The following SNTG1 variants were observed in gnomAD, a reference collection of about 807,000 sequenced individuals.
SNTG1 encodes gamma-1-syntrophin.
In SNTG1, 39 loss-of-function variants were observed where a neutral mutation model predicts 74.7. That is an observed-to-expected ratio of 0.52 (90% confidence interval 0.40 to 0.68). The LOEUF is 0.68. SNTG1 is among the 30% of genes least tolerant of loss of function. The pLI is 0.00. For missense variants in SNTG1, 685 were observed against 609.5 expected (o/e 1.12, Z -1.30); for synonymous variants, 254 against 217.1 (o/e 1.17, Z -1.49).
intron 1 of SNTG1, among the ~76,000 whole-genome samples, chr8:49,965,633 T>C (rs1811069409): frequency 6.6e-6 from 1 of 152,216 alleles, no homozygotes; most frequent in South Asian, 2.1e-4. Context: ...GTTGTTGTCA[T>C]GCGCCTTGAT....
chr8:50,579,777 G>A (rs970128038), intron 12 of SNTG1, among the ~76,000 whole-genome samples: 101 of 152,318 alleles, frequency 6.6e-4, no homozygotes, highest in Non-Finnish European at 1.2e-3. Flanking sequence ...TGAGGTTTGG[G>A]AACTTCTGCC....
Position 50,201,549 on chromosome 8 carries a change from G to A in SNTG1, c.-28+28914G>A, listed in dbSNP as rs190690089. On this transcript the variant is annotated intron_variant, in intron 2 of 18. Coordinates refer to ENST00000642720, the MANE Select transcript of SNTG1 (RefSeq NM_018967.5). ...ATGGAGCACTTTCTTCCTTTCTAGC[G>A]CTGCGTGACACTCCATGATCATCTT... Among the ~76,000 whole-genome samples the A allele has an allele frequency of 1.3e-3, 195 of 151,984 alleles. 2 individuals carry two copies. Among genetic ancestry groups the A allele is most frequent in the African/African-American group, 4.5e-3 (186 of 41,478 alleles).
chr8:50,146,496 C>T (rs555084297), intron 1 of SNTG1, among the ~76,000 whole-genome samples: 66 of 151,938 alleles, frequency 4.3e-4, no homozygotes, highest in Non-Finnish European at 7.6e-4. Context: ...CCAGCCTGGG[C>T]AACAAAAGTG....
At chr8:50,258,187 G>A (rs2086976791) in intron 2 of SNTG1, among the ~76,000 whole-genome samples, 1 of 152,186 alleles carries the variant, frequency 6.6e-6, no homozygotes, top group African/African-American at 2.4e-5. Flanking sequence ...AAAATGCTGA[G>A]TTTTCACTGC....
chr8:50,407,105 A>G (rs1447020241), intron 4 of SNTG1, among the ~76,000 whole-genome samples: 1 of 152,190 alleles, frequency 6.6e-6, no homozygotes, highest in Non-Finnish European at 1.5e-5. Flanking sequence ...TATTGCCACA[A>G]TACATAGTCC....
intron 13 of SNTG1, among the ~76,000 whole-genome samples, chr8:50,628,185 GC>G (rs1184384381): frequency 3.3e-5 from 5 of 151,862 alleles, no homozygotes; most frequent in African/African-American, 1.2e-4. Context: ...GTTACATTTT[GC>G]TCTTTGGATT....
Position 50,415,173 on chromosome 8 carries a change from G to A in SNTG1, c.162+12829G>A, listed in dbSNP as rs1280783104. Among the ~76,000 whole-genome samples, 3 of 152,138 alleles carry A rather than the reference G, an allele frequency of 2.0e-5. No homozygotes were observed. In the East Asian group the frequency reaches 5.8e-4, roughly 29 times the overall value. On this transcript the variant is annotated intron_variant, in intron 4 of 18. Transcript: ENST00000642720. ...TGAACAAATGTTGTTTAAATGCAAA[G>A]GAGTTTCATTATTATTGCTTTAAAC...
intron 1 of SNTG1, among the ~76,000 whole-genome samples, chr8:49,929,416 T>C (rs73569317): frequency 0.032 from 4,923 of 152,312 alleles, 239 homozygotes; most frequent in African/African-American, 0.1. Context: ...GTGCAGGCCA[T>C]CCCTGATTTA....
At chr8:50,374,391 A>G (rs1189038510) in intron 2 of SNTG1, among the ~76,000 whole-genome samples, 1 of 152,234 alleles carries the variant, frequency 6.6e-6, no homozygotes, top group Non-Finnish European at 1.5e-5. Flanking sequence ...TTTCGAATTT[A>G]GTCAATATCA....
intron 8 of SNTG1, among the ~76,000 whole-genome samples, chr8:50,484,102 C>CTCTTTCTTTCTCTCTT: frequency 9.0e-6 from 1 of 110,870 alleles, no homozygotes; most frequent in South Asian, 3.5e-4. Context: ...CTTTCTTTCT[C>CTCTTTCTTTCTCTCTT]TCTTTCTTTC....
At chr8:50,566,061 G>A (rs1234232966) in intron 12 of SNTG1, among the ~76,000 whole-genome samples, 1 of 151,722 alleles carries the variant, frequency 6.6e-6, no homozygotes, top group African/African-American at 2.4e-5. Flanking sequence ...TTTAAGGATA[G>A]GTCTTTAATT....
chr8:50,491,880 TCC>T (rs1373033228), intron 8 of SNTG1, among the ~76,000 whole-genome samples: 4 of 47,958 alleles, frequency 8.3e-5, no homozygotes, highest in Non-Finnish European at 1.5e-4. Flanking sequence ...CTCCCCTAGC[TCC>T]CCCGCCCCCC....
chr8:49,985,395 G>A (rs896004843), intron 1 of SNTG1, among the ~76,000 whole-genome samples: 1 of 151,900 alleles, frequency 6.6e-6, no homozygotes, highest in African/African-American at 2.4e-5. Context: ...CTTCCTAAGT[G>A]CTGGGATTAC....
chr8:50,148,614 T>C (rs1430080794), intron 1 of SNTG1, among the ~76,000 whole-genome samples: 1 of 152,180 alleles, frequency 6.6e-6, no homozygotes, highest in Non-Finnish European at 1.5e-5. Context: ...AGTGTTCTCA[T>C]TGTTCAATTC....
chr8:50,582,611 C>A (rs552592133), intron 12 of SNTG1, among the ~76,000 whole-genome samples: 15 of 151,974 alleles, frequency 9.9e-5, no homozygotes, highest in Admixed American at 1.3e-4. Flanking sequence ...TGAGGTACTG[C>A]AATTTTTCTT....
chr8:50,761,699 C>A (rs1481671640), intron 18 of SNTG1, among the ~76,000 whole-genome samples: 1 of 151,548 alleles, frequency 6.6e-6, no homozygotes, highest in African/African-American at 2.4e-5. Flanking sequence ...CTACTTTAAT[C>A]CTTTTAAGTT....
At chr8:50,695,380 G>A (rs1052555324) in intron 15 of SNTG1, among the ~76,000 whole-genome samples, 6 of 151,888 alleles carry the variant, frequency 4.0e-5, no homozygotes, top group Non-Finnish European at 2.9e-5. Context: ...GACTGTTTCT[G>A]ACAGTCAAGT....
intron 2 of SNTG1, among the ~76,000 whole-genome samples, chr8:50,252,097 C>A (rs1268997580): frequency 6.6e-6 from 1 of 151,882 alleles, no homozygotes; most frequent in African/African-American, 2.4e-5. Context: ...AAACAGCATC[C>A]TCCACATTAA....
At chr8:50,225,723 T>A (rs1563866) in intron 2 of SNTG1, among the ~76,000 whole-genome samples, 135,069 of 152,198 alleles carry the variant, frequency 0.89, 61,663 homozygotes, top group East Asian at 1. Context: ...ATTTTGAATA[T>A]TTAAGTGCTT....
Sources: allele counts gnomAD v4.1 joint callset (sites outside exome capture counted in the v4.1 genomes callset), GRCh38; gene constraint gnomAD v4.1.1; transcripts MANE v1.5; gene names NCBI Gene and HGNC (gene_info 2026-07-23, HGNC 2026-07-21).